CDYL: variants seen among roughly 807,000 people sequenced by gnomAD.
CDYL encodes chromodomain Y-like protein.
CDYL carries 8 observed loss-of-function variants against 47.3 expected under a neutral mutation model. That is an observed-to-expected ratio of 0.17 (90% confidence interval 0.10 to 0.31). The LOEUF (loss-of-function observed/expected upper bound fraction) is 0.31. Ranked by LOEUF, CDYL falls within the 10% of genes least tolerant of loss-of-function variation. The pLI is 1.00. For synonymous variants in CDYL, 266 were observed against 265.0 expected (o/e 1.00, Z -0.04); for missense variants, 471 against 701.4 (o/e 0.67, Z 3.71).
At chr6:4,835,918 T>C (rs143861629) in intron 1 of CDYL, among the ~76,000 whole-genome samples, 9,140 of 152,308 alleles carry the variant, frequency 0.06, 323 homozygotes, top group Middle Eastern at 0.099. Context: ...CGCCATTTTT[T>C]AAGCCCGTCA....
At chr6:4,894,582 T>C (rs1016601778) in intron 2 of CDYL, among the ~76,000 whole-genome samples, 2 of 152,202 alleles carry the variant, frequency 1.3e-5, no homozygotes, top group Non-Finnish European at 2.9e-5. Context: ...AATGGAGCTA[T>C]CCATTCATTT....
At chr6:4,899,437 T>G (rs1236800276) in intron 2 of CDYL, among the ~76,000 whole-genome samples, 2 of 152,166 alleles carry the variant, frequency 1.3e-5, no homozygotes, top group African/African-American at 4.8e-5. Flanking sequence ...CAAAGGATGA[T>G]AAATTGCGGA....
At chr6:4,784,133 A>G (rs968934990) in intron 1 of CDYL, among the ~76,000 whole-genome samples, 1 of 152,168 alleles carries the variant, frequency 6.6e-6, no homozygotes, top group African/African-American at 2.4e-5. Context: ...TGTTTTATTC[A>G]ACCATTGAGT....
intron 1 of CDYL, among the ~76,000 whole-genome samples, chr6:4,874,752 C>T (rs929047026): frequency 3.9e-5 from 6 of 152,222 alleles, no homozygotes; most frequent in East Asian, 1.9e-4. Context: ...AAGCACTGTT[C>T]TCATGTCCCT....
intron 1 of CDYL, among the ~76,000 whole-genome samples, chr6:4,876,129 CTTGTTGTTTGTTG>C (rs1761615137): frequency 6.6e-6 from 1 of 152,156 alleles, no homozygotes. Flanking sequence ...CCCTCCCACC[CTTGTTGTTTGTTG>C]TTGTTGTTTA....
At position 4,776,775 on chromosome 6, in the gene CDYL, C is replaced by T. The variant is rs935269187; in HGVS notation, c.-9C>T. The T allele has an allele frequency of 3.3e-6, 4 of 1,218,094 alleles. No individual in the cohort carries two copies. Among genetic ancestry groups the T allele is most frequent in the African/African-American group, 3.3e-5 (2 of 60,400 alleles). The allele number at this position is 1,218,094 out of a possible 1,614,324, so 75.5% of individuals were successfully genotyped here. ...CCTGCCCCTCCCGCCCGCAACTCCG[C>T]CGCCCACCATGGCTTCCGAGGAGCT... On this transcript the variant is annotated 5_prime_UTR_variant, in exon 1 of 7. Coordinates refer to ENST00000397588, the MANE Select transcript of CDYL (RefSeq NM_004824.4).
chr6:4,759,179 C>G (rs1758130265), intron 3 of CDYL, among the ~76,000 whole-genome samples: 1 of 151,982 alleles, frequency 6.6e-6, no homozygotes, highest in Admixed American at 6.6e-5. Flanking sequence ...CCGTGTTACC[C>G]AGGATGGTCT....
intron 1 of CDYL, among the ~76,000 whole-genome samples, chr6:4,830,981 A>G (rs895841819): frequency 4.0e-5 from 6 of 151,854 alleles, no homozygotes; most frequent in African/African-American, 1.5e-4. Flanking sequence ...TATGTGCCAC[A>G]TTTTCTTAAT....
chr6:4,865,864 G>A (rs1761305148), intron 1 of CDYL, among the ~76,000 whole-genome samples: 2 of 152,184 alleles, frequency 1.3e-5, no homozygotes, highest in South Asian at 4.1e-4. Flanking sequence ...TGACTTCTCT[G>A]TAAGTAACTA....
In CDYL at chr6:4,716,512, C is replaced by T. The variant is rs538911357; in HGVS notation, c.103+631C>T. Among the ~76,000 whole-genome samples the T allele has an allele frequency of 1.5e-3, 223 of 151,732 alleles. 1 individual carries two copies. The highest frequency in any genetic ancestry group is 5.2e-3 in the African/African-American group (215 of 41,288). ...AATGACCTGAGACATCGTTGGCTTC[C>T]TTTCCTTTTCCACTTCCTCCAAGTC... is the stretch of plus-strand genomic sequence containing the variant. On this transcript the variant is annotated intron_variant, in intron 2 of 8. Coordinates refer to the CDYL transcript ENST00000328908.
intron 3 of CDYL, among the ~76,000 whole-genome samples, chr6:4,763,253 G>A (rs1581151114): frequency 6.6e-6 from 1 of 151,998 alleles, no homozygotes; most frequent in Admixed American, 6.6e-5. Flanking sequence ...TGTTTTTATA[G>A]CAGAAGGAAA....
chr6:4,899,606 T>TTTTCC lies in CDYL; in HGVS notation c.691+7231_691+7235dup, dbSNP rs1222689990. On this transcript the variant is annotated intron_variant, in intron 2 of 6. Coordinates refer to ENST00000397588, the MANE Select transcript of CDYL (RefSeq NM_004824.4). Reference sequence around the variant, plus strand: ...GTTTCATCTCTCTGGTAATGAATTGTTTTCCTTTTCCTGGTACGGGAAAGT... The same window carrying TTTTCC: ...GTTTCATCTCTCTGGTAATGAATTGTTTTCCTTTCCTTTTCCTGGTACGGGAAAGT... Among the ~76,000 whole-genome samples the TTTTCC allele has an allele frequency of 2.0e-5, 3 of 152,210 alleles. No homozygotes were observed. In the East Asian group the frequency reaches 5.8e-4, roughly 29 times the overall value.
At chr6:4,780,257 T>G (rs966244760) in intron 1 of CDYL, among the ~76,000 whole-genome samples, 2 of 150,574 alleles carry the variant, frequency 1.3e-5, no homozygotes, top group Non-Finnish European at 3.0e-5. Flanking sequence ...TTTTCAAGAG[T>G]CTTGCTCTAT....
intron 1 of CDYL, among the ~76,000 whole-genome samples, chr6:4,833,724 C>A (rs1357201811): frequency 6.6e-6 from 1 of 151,708 alleles, no homozygotes; most frequent in African/African-American, 2.4e-5. Flanking sequence ...CTTTTTAGAT[C>A]ACTCAGGACT....
chr6:4,826,889 T>A (rs1759995817), intron 1 of CDYL, among the ~76,000 whole-genome samples: 2 of 152,366 alleles, frequency 1.3e-5, no homozygotes, highest in East Asian at 1.9e-4. Flanking sequence ...ATCTGTCCTG[T>A]ACTGAAAATG....
rs375069942 is a variant in CDYL, at chr6:4,870,722, A to G, written c.25-20991A>G. Among the ~76,000 whole-genome samples the G allele has an allele frequency of 3.3e-5, 5 of 152,186 alleles. No individual in the cohort carries two copies. In the South Asian group the frequency reaches 1.0e-3, roughly 32 times the overall value. ...CTTTTTTTCTCTCTGTCTCTTGGATAAGTTCTGTTGATCTCTCAAATGTTC... is the reference window on the plus strand; with the variant it reads ...CTTTTTTTCTCTCTGTCTCTTGGATGAGTTCTGTTGATCTCTCAAATGTTC... On this transcript the variant is annotated intron_variant, in intron 1 of 6. Transcript: ENST00000397588.
At chr6:4,922,635 G>T (rs1456235947) in intron 2 of CDYL, among the ~76,000 whole-genome samples, 1 of 152,158 alleles carries the variant, frequency 6.6e-6, no homozygotes. Flanking sequence ...ATCCTGAGCC[G>T]CCTGCTTCCC....
At chr6:4,794,496 T>G (rs1023465641) in intron 1 of CDYL, among the ~76,000 whole-genome samples, 10 of 152,026 alleles carry the variant, frequency 6.6e-5, no homozygotes, top group African/African-American at 2.4e-4. Flanking sequence ...GAAAGAGAAC[T>G]GGGAGTGCCG....
chr6:4,854,995 G>A (rs940038634), intron 1 of CDYL, among the ~76,000 whole-genome samples: 1 of 152,186 alleles, frequency 6.6e-6, no homozygotes. Context: ...ATATGAATAG[G>A]GTCAATATGA....
Sources: allele counts gnomAD v4.1 joint callset (sites outside exome capture counted in the v4.1 genomes callset), GRCh38; gene constraint gnomAD v4.1.1; transcripts MANE v1.5; gene names NCBI Gene and HGNC (gene_info 2026-07-23, HGNC 2026-07-21).